ADGRL3: variants seen among roughly 807,000 people sequenced by gnomAD.
ADGRL3 encodes the protein adhesion G protein-coupled receptor L3, also known as calcium-independent alpha-latrotoxin receptor 3.
In ADGRL3, 62 loss-of-function variants were observed where a neutral mutation model predicts 153.5. The observed-to-expected ratio is 0.40, with a 90% CI of 0.33 to 0.50. ADGRL3 has a LOEUF of 0.50. ADGRL3 is among the 20% of genes least tolerant of loss of function. The pLI is 0.47. For missense variants in ADGRL3, 1,641 were observed against 1,859.4 expected (o/e 0.88, Z 2.16); for synonymous variants, 710 against 672.5 (o/e 1.06, Z -0.86).
At chr4:61,428,915 A>ATCTG in intron 2 of ADGRL3, among the ~76,000 whole-genome samples, 1 of 148,078 alleles carries the variant, frequency 6.8e-6, no homozygotes, top group East Asian at 1.9e-4. Context: ...CTATCTATCT[A>ATCTG]TCTATCTATC....
chr4:61,435,805 C>G (rs1276927869), intron 2 of ADGRL3, among the ~76,000 whole-genome samples: 3 of 150,310 alleles, frequency 2.0e-5, no homozygotes, highest in African/African-American at 7.3e-5. Context: ...TAAAACTTTC[C>G]AATTAGACAC....
chr4:61,543,389 C>T (rs1214127343), intron 4 of ADGRL3, among the ~76,000 whole-genome samples: 3 of 152,042 alleles, frequency 2.0e-5, no homozygotes, highest in Admixed American at 2.0e-4. Context: ...CAATGTTTGC[C>T]ATCTTTGAAG....
intron 4 of ADGRL3, among the ~76,000 whole-genome samples, chr4:61,559,031 A>G (rs912853129): frequency 2.0e-5 from 3 of 152,150 alleles, no homozygotes; most frequent in African/African-American, 7.2e-5. Context: ...ATAAGGATTA[A>G]TGAGAATAAT....
intron 17 of ADGRL3, among the ~76,000 whole-genome samples, chr4:61,949,370 G>T (rs960308530): frequency 6.6e-6 from 1 of 152,034 alleles, no homozygotes; most frequent in Non-Finnish European, 1.5e-5. Flanking sequence ...TCTGAATATT[G>T]TATGTCATAA....
At chr4:61,248,807 G>T (rs1406743980) in intron 1 of ADGRL3, among the ~76,000 whole-genome samples, 3 of 152,156 alleles carry the variant, frequency 2.0e-5, no homozygotes, top group African/African-American at 7.2e-5. Flanking sequence ...CAGGCTTCTG[G>T]ACTGAAAGGA....
chr4:61,318,675 C>A (rs140644886), intron 1 of ADGRL3, among the ~76,000 whole-genome samples: 541 of 152,234 alleles, frequency 3.6e-3, no homozygotes, highest in South Asian at 8.9e-3. Flanking sequence ...TTGGTAAATG[C>A]CATTAGAGAC....
intron 1 of ADGRL3, among the ~76,000 whole-genome samples, chr4:61,347,696 T>C (rs2095950384): frequency 6.6e-6 from 1 of 152,106 alleles, no homozygotes; most frequent in Non-Finnish European, 1.5e-5. Flanking sequence ...GTTGAAGTCC[T>C]GTACTGTGCT....
chr4:61,368,463 C>T (rs2096452516), intron 1 of ADGRL3, among the ~76,000 whole-genome samples: 1 of 152,128 alleles, frequency 6.6e-6, no homozygotes, highest in Non-Finnish European at 1.5e-5. Context: ...CCAGTTTTCC[C>T]AGCACCATTT....
chr4:61,775,854 G>A (rs374844646), intron 8 of ADGRL3: 7 of 501,126 alleles, frequency 1.4e-5, no homozygotes, highest in Admixed American at 5.5e-5. Context: ...CGGCCATGGC[G>A]GTGGGTTACC....
At chr4:61,794,949 C>T (rs1423296914) in intron 8 of ADGRL3, among the ~76,000 whole-genome samples, 1 of 152,206 alleles carries the variant, frequency 6.6e-6, no homozygotes, top group Non-Finnish European at 1.5e-5. Context: ...AACTTCTTAT[C>T]GCATAACCTC....
rs963837089 is a variant in ADGRL3, at chr4:62,017,871, T to A, written c.3396-10984T>A. ...TGTGGACATACCAAAAGTAGAGCTTTGTTTTTTTTGTTTTTTCTTGTTTCT... is the reference window on the plus strand; with the variant it reads ...TGTGGACATACCAAAAGTAGAGCTTAGTTTTTTTTGTTTTTTCTTGTTTCT... On this transcript the variant is annotated intron_variant, in intron 21 of 26. Transcript: ENST00000683033. Among the ~76,000 whole-genome samples the A allele has an allele frequency of 2.0e-5, 3 of 152,034 alleles. 1 individual carries two copies. In the South Asian group the frequency reaches 6.2e-4, roughly 31 times the overall value.
At chr4:61,994,375 G>C (rs1510919) in intron 19 of ADGRL3, among the ~76,000 whole-genome samples, 33,478 of 151,642 alleles carry the variant, frequency 0.22, 3,826 homozygotes, top group East Asian at 0.35. Context: ...TGGTCTTGAA[G>C]TCCTAGGCTC....
At chr4:61,845,140 T>G (rs1276982169) in intron 9 of ADGRL3, among the ~76,000 whole-genome samples, 2 of 152,206 alleles carry the variant, frequency 1.3e-5, no homozygotes, top group Admixed American at 6.5e-5. Context: ...ACAATATTTT[T>G]GTTTTCAAAG....
At chr4:61,956,164 G>A in intron 17 of ADGRL3, among the ~76,000 whole-genome samples, 1 of 152,166 alleles carries the variant, frequency 6.6e-6, no homozygotes, top group Non-Finnish European at 1.5e-5. Flanking sequence ...TAGTGTAAAA[G>A]TGTTCCTATT....
chr4:61,939,773 T>A (rs1157277557), intron 15 of ADGRL3, among the ~76,000 whole-genome samples: 2 of 152,106 alleles, frequency 1.3e-5, no homozygotes, highest in Non-Finnish European at 2.9e-5. Flanking sequence ...CGGCCAAAAT[T>A]TGCCAGTTTT....
At chr4:61,714,375 A>AC (rs2096065396) in intron 6 of ADGRL3, among the ~76,000 whole-genome samples, 11 of 147,490 alleles carry the variant, frequency 7.5e-5, no homozygotes, top group African/African-American at 2.5e-4. Flanking sequence ...CACACACACA[A>AC]ACACACACAC....
At chr4:61,642,386 G>T (rs1183882817) in intron 5 of ADGRL3, among the ~76,000 whole-genome samples, 2 of 152,148 alleles carry the variant, frequency 1.3e-5, no homozygotes, top group Admixed American at 1.3e-4. Flanking sequence ...GAATGGTAAT[G>T]CCTAGGTTTT....
intron 1 of ADGRL3, among the ~76,000 whole-genome samples, chr4:61,227,524 T>C (rs537572538): frequency 3.3e-5 from 5 of 152,294 alleles, no homozygotes; most frequent in African/African-American, 1.2e-4. Context: ...TTTCTCATTA[T>C]GTATTTCTTA....
At chr4:61,871,032 T>A (rs775209050) in intron 9 of ADGRL3, among the ~76,000 whole-genome samples, 24 of 152,166 alleles carry the variant, frequency 1.6e-4, no homozygotes, top group East Asian at 3.9e-4. Context: ...TAATCCCAGC[T>A]CTTTGGGAGG....
Sources: gnomAD v4.1 joint callset for allele counts (sites outside exome capture counted in the v4.1 genomes callset) on GRCh38, gnomAD v4.1.1 for gene constraint, MANE v1.5 for transcripts, NCBI Gene and HGNC (gene_info 2026-07-23, HGNC 2026-07-21) for gene names.